Variants in CAMTA1 observed in about 807,000 individuals in gnomAD.
CAMTA1 encodes calmodulin binding transcription activator 1.
CAMTA1 carries 27 observed loss-of-function variants against 170.9 expected under a neutral mutation model. The observed-to-expected ratio is 0.16, with a 90% CI of 0.12 to 0.22. The LOEUF is 0.22. Among genes scored for constraint, CAMTA1 ranks in the 10% least tolerant of loss-of-function variants. The pLI is 1.00. For synonymous variants in CAMTA1, 833 were observed against 891.5 expected (o/e 0.93, Z 1.17); for missense variants, 1,619 against 2,217.2 (o/e 0.73, Z 5.42).
chr1:7,501,791 C>T (rs1396201618), intron 6 of CAMTA1, among the ~76,000 whole-genome samples: 2 of 152,150 alleles, frequency 1.3e-5, no homozygotes, highest in Admixed American at 6.5e-5. Context: ...ATTTCATCCA[C>T]TCCTACTAAA....
chr1:7,035,010 A>C (rs1482230629), intron 3 of CAMTA1, among the ~76,000 whole-genome samples: 1 of 152,232 alleles, frequency 6.6e-6, no homozygotes, highest in Non-Finnish European at 1.5e-5. Flanking sequence ...TCTTCAAGAC[A>C]ACCATCATAC....
chr1:6,986,013 G>A (rs570883551), intron 3 of CAMTA1, among the ~76,000 whole-genome samples: 2 of 152,310 alleles, frequency 1.3e-5, no homozygotes, highest in South Asian at 4.1e-4. Context: ...AGAACATTCT[G>A]GAAATACTGG....
At chr1:7,639,086 C>T (rs1486653532) in intron 6 of CAMTA1, among the ~76,000 whole-genome samples, 3 of 152,212 alleles carry the variant, frequency 2.0e-5, no homozygotes, top group Admixed American at 6.5e-5. Context: ...TCACGCCATT[C>T]TCCTGCCTCA....
At chr1:7,118,448 A>G (rs1478576173) in intron 4 of CAMTA1, among the ~76,000 whole-genome samples, 1 of 151,290 alleles carries the variant, frequency 6.6e-6, no homozygotes, top group Non-Finnish European at 1.5e-5. Flanking sequence ...GTACATCACC[A>G]TGCCTGGCTA....
intron 3 of CAMTA1, among the ~76,000 whole-genome samples, chr1:6,888,730 A>C (rs1475891834): frequency 6.6e-6 from 1 of 152,258 alleles, no homozygotes; most frequent in Non-Finnish European, 1.5e-5. Flanking sequence ...CACAGATGCC[A>C]TGGTTACCCC....
rs527487660 is a variant in CAMTA1 at position 7,588,624 on chromosome 1, C to T, written c.511-51776C>T. ...AGGGCGATCTGAGCAGCCCCAGCCACAGTGGCCCATGTTGTTCCCTCCCTT... is the reference window on the plus strand; with the variant it reads ...AGGGCGATCTGAGCAGCCCCAGCCATAGTGGCCCATGTTGTTCCCTCCCTT... On this transcript the variant is annotated intron_variant, in intron 6 of 22. Transcript: ENST00000303635. The surrounding 1 kb of genome is among the most constrained non-coding windows in gnomAD (Gnocchi z 5.8). Among the ~76,000 whole-genome samples the T allele has an allele frequency of 6.6e-6, 1 of 152,302 alleles. No homozygotes were observed. Among genetic ancestry groups the T allele is most frequent in the African/African-American group, 2.4e-5 (1 of 41,576 alleles).
At chr1:7,526,302 G>A (rs975826216) in intron 6 of CAMTA1, among the ~76,000 whole-genome samples, 7 of 151,990 alleles carry the variant, frequency 4.6e-5, no homozygotes, top group South Asian at 4.2e-4. Context: ...GCATCTCCCC[G>A]AGCTCCCCCA....
At chr1:6,922,258 G>A (rs1159508436) in intron 3 of CAMTA1, among the ~76,000 whole-genome samples, 1 of 152,176 alleles carries the variant, frequency 6.6e-6, no homozygotes, top group African/African-American at 2.4e-5. Flanking sequence ...AGAGGGAAGG[G>A]ACCTGGCCAG....
chr1:7,584,877 G>A (rs943109657), intron 6 of CAMTA1, among the ~76,000 whole-genome samples: 8 of 152,258 alleles, frequency 5.3e-5, no homozygotes, highest in African/African-American at 9.6e-5. Flanking sequence ...GCAATGCACC[G>A]GACAGCCCCC....
chr1:6,963,393 C>T (rs911947558), intron 3 of CAMTA1, among the ~76,000 whole-genome samples: 1 of 151,430 alleles, frequency 6.6e-6, no homozygotes, highest in Admixed American at 6.6e-5. Context: ...CCAATCGGGC[C>T]CCACCCTGTT....
intron 3 of CAMTA1, among the ~76,000 whole-genome samples, chr1:6,929,906 G>T (rs1684079740): frequency 1.3e-5 from 2 of 152,184 alleles, no homozygotes; most frequent in African/African-American, 4.8e-5. Flanking sequence ...TTCGGTCCAT[G>T]AGCACCTAGG....
At chr1:7,418,504 A>G (rs1425162940) in intron 5 of CAMTA1, among the ~76,000 whole-genome samples, 1 of 151,986 alleles carries the variant, frequency 6.6e-6, no homozygotes, top group African/African-American at 2.4e-5. Context: ...TGGCTTCTCA[A>G]CACTTCCTGA....
At chr1:7,339,171 A>T (rs1368878228) in intron 5 of CAMTA1, among the ~76,000 whole-genome samples, 2 of 152,212 alleles carry the variant, frequency 1.3e-5, no homozygotes, top group Non-Finnish European at 2.9e-5. Flanking sequence ...TGTGTATTTC[A>T]AAAAGTAAGT....
chr1:7,744,466 T>G (rs1173720147), intron 16 of CAMTA1, among the ~76,000 whole-genome samples: 1 of 151,894 alleles, frequency 6.6e-6, no homozygotes, highest in African/African-American at 2.4e-5. Flanking sequence ...CAAAAGGGGG[T>G]GGTTAGATAT....
Position 7,325,052 on chromosome 1 carries a change from T to G in CAMTA1, c.438+75426T>G, listed in dbSNP as rs1044122173. On this transcript the variant is annotated intron_variant, in intron 5 of 22. Coordinates refer to ENST00000303635, the MANE Select transcript of CAMTA1 (RefSeq NM_015215.4). The surrounding 1 kb of genome is among the most constrained non-coding windows in gnomAD (Gnocchi z 5.0). The stretch of plus-strand genomic sequence containing the variant: ...CTATACCCCTCCAAAATAGACATCA[T>G]TATCATTATCATTTTACACAATTAA... Among the ~76,000 whole-genome samples, 3 of 151,970 alleles carry G rather than the reference T, an allele frequency of 2.0e-5. No individual in the cohort carries two copies. The highest frequency in any genetic ancestry group is 7.3e-5 in the African/African-American group (3 of 41,222).
intron 4 of CAMTA1, among the ~76,000 whole-genome samples, chr1:7,164,826 T>C (rs1199739198): frequency 2.0e-5 from 3 of 152,246 alleles, no homozygotes; most frequent in East Asian, 3.8e-4. Flanking sequence ...AGTGTGATCA[T>C]TGGAACACCA....
chr1:7,474,874 C>T (rs1388447855), intron 6 of CAMTA1, among the ~76,000 whole-genome samples: 1 of 152,236 alleles, frequency 6.6e-6, no homozygotes, highest in Non-Finnish European at 1.5e-5. Flanking sequence ...CCCCGCACCC[C>T]ACTCCAGGAC....
chr1:7,648,905 T>C (rs946175410), intron 7 of CAMTA1, among the ~76,000 whole-genome samples: 1 of 152,192 alleles, frequency 6.6e-6, no homozygotes, highest in Non-Finnish European at 1.5e-5. Context: ...TATAGCAGCC[T>C]CTGGCGAGAG....
intron 5 of CAMTA1, among the ~76,000 whole-genome samples, chr1:7,315,288 G>T (rs1210408463): frequency 6.6e-6 from 1 of 152,252 alleles, no homozygotes; most frequent in Admixed American, 6.5e-5. Flanking sequence ...GAAGAAAATT[G>T]TCTGGATATA....
Sources: allele counts gnomAD v4.1 joint callset (sites outside exome capture counted in the v4.1 genomes callset), GRCh38; gene constraint gnomAD v4.1.1; non-coding constraint Gnocchi (gnomAD v3.1); transcripts MANE v1.5; gene names NCBI Gene and HGNC (gene_info 2026-07-23, HGNC 2026-07-21).